DLC1: variants seen among roughly 807,000 people sequenced by gnomAD.
DLC1 encodes DLC1 Rho GTPase activating protein, also known as rho GTPase-activating protein 7.
Under a neutral mutation model 140.3 loss-of-function variants are expected in DLC1, and 54 were observed. The observed-to-expected ratio is 0.38, with a 90% CI of 0.31 to 0.48. The LOEUF (loss-of-function observed/expected upper bound fraction) is 0.48, where lower values mean the gene tolerates loss of function less well. Ranked by LOEUF, DLC1 falls within the 20% of genes least tolerant of loss-of-function variation. The probability of loss-of-function intolerance (pLI) is 0.96; values close to 1 mark genes in which losing one functional copy is unlikely to be tolerated. For synonymous variants in DLC1, 986 were observed against 728.1 expected (o/e 1.35, Z -5.70); for missense variants, 2,536 against 1,907.0 (o/e 1.33, Z -6.14).
At chr8:13,128,716 T>C (rs1585713684) in intron 5 of DLC1, among the ~76,000 whole-genome samples, 1 of 151,828 alleles carries the variant, frequency 6.6e-6, no homozygotes, top group Admixed American at 6.6e-5. Context: ...CCTACTGTAG[T>C]CCCAGCTACT....
intron 4 of DLC1, among the ~76,000 whole-genome samples, chr8:13,361,065 T>C (rs1342905188): frequency 6.6e-6 from 1 of 152,024 alleles, no homozygotes; most frequent in Non-Finnish European, 1.5e-5. Context: ...ACCCTGTCTC[T>C]ACAAAAACAT....
At chr8:13,299,397 G>A (rs2583105) in intron 5 of DLC1, among the ~76,000 whole-genome samples, 3,651 of 149,612 alleles carry the variant, frequency 0.024, 135 homozygotes, top group African/African-American at 0.085. Context: ...GCAGTGAGTC[G>A]AGACCGTGTC....
intron 5 of DLC1, among the ~76,000 whole-genome samples, chr8:13,188,925 G>T (rs111694085): frequency 7.2e-6 from 1 of 139,028 alleles, no homozygotes; most frequent in Non-Finnish European, 1.5e-5. Flanking sequence ...TCCTGACCTC[G>T]TTATCCGCCC....
intron 5 of DLC1, among the ~76,000 whole-genome samples, chr8:13,180,282 T>C (rs1164368340): frequency 2.6e-5 from 4 of 152,224 alleles, no homozygotes; most frequent in Non-Finnish European, 5.9e-5. Context: ...TTATTAGTTG[T>C]ATATGTATCT....
intron 2 of DLC1, among the ~76,000 whole-genome samples, chr8:13,441,778 T>C (rs1798520855): frequency 1.3e-5 from 2 of 152,106 alleles, no homozygotes; most frequent in Non-Finnish European, 2.9e-5. Flanking sequence ...AACATGGCCA[T>C]ACTGCCCAAG....
chr8:13,551,075 C>CACACACACACTG, intron 1 of DLC1, among the ~76,000 whole-genome samples: 1 of 121,678 alleles, frequency 8.2e-6, no homozygotes, highest in Admixed American at 9.0e-5. Context: ...CACACACACA[C>CACACACACACTG]TTTTTTTTTT....
intron 5 of DLC1, among the ~76,000 whole-genome samples, chr8:13,253,413 T>C (rs1830089459): frequency 6.6e-6 from 1 of 150,420 alleles, no homozygotes; most frequent in Admixed American, 6.6e-5. Context: ...GTGGTTCTCC[T>C]CTAGAAAAAT....
In DLC1 at chr8:13,453,724, C is replaced by T. The variant is rs568417716; in HGVS notation, c.1023+45325G>A. Among the ~76,000 whole-genome samples, 5 of 150,286 alleles carry T rather than the reference C, an allele frequency of 3.3e-5. No homozygotes were observed. The East Asian group carries it at 7.9e-4, about 24-fold the overall frequency. The stretch of plus-strand genomic sequence containing the variant: ...GGCTAGGTTTTCTTTTATTCAACGT[C>T]CTGTAATTTGAAACTCAATAGTACT... On this transcript the variant is annotated intron_variant, in intron 2 of 17. Transcript: ENST00000276297.
intron 2 of DLC1, among the ~76,000 whole-genome samples, chr8:13,403,151 T>C (rs547684114): frequency 3.9e-5 from 6 of 152,348 alleles, no homozygotes; most frequent in Admixed American, 3.9e-4. Context: ...TTCAGAATAC[T>C]ATGCTGTTGT....
chr8:13,359,733 T>G (rs908136943), intron 4 of DLC1, among the ~76,000 whole-genome samples: 6 of 152,180 alleles, frequency 3.9e-5, no homozygotes, highest in Non-Finnish European at 7.4e-5. Flanking sequence ...AATAATGACA[T>G]AAAATGATAT....
At chr8:13,378,142 C>T (rs1423180297) in intron 4 of DLC1, among the ~76,000 whole-genome samples, 3 of 133,990 alleles carry the variant, frequency 2.2e-5, no homozygotes, top group Non-Finnish European at 3.2e-5. Flanking sequence ...AGGTTTGTTA[C>T]ATATGTATAC....
chr8:13,159,118 T>A (rs182751926), intron 5 of DLC1, among the ~76,000 whole-genome samples: 5 of 152,152 alleles, frequency 3.3e-5, no homozygotes, highest in Non-Finnish European at 7.4e-5. Flanking sequence ...TGTTTTGTTA[T>A]CTACCCACGT....
chr8:13,354,736 G>A (rs1446266481), intron 4 of DLC1, among the ~76,000 whole-genome samples: 2 of 151,186 alleles, frequency 1.3e-5, no homozygotes, highest in African/African-American at 4.9e-5. Flanking sequence ...CTTGAGCACA[G>A]GAGTTCAAGA....
intron 2 of DLC1, among the ~76,000 whole-genome samples, chr8:13,457,617 C>T (rs947901671): frequency 2.3e-5 from 3 of 131,744 alleles, no homozygotes; most frequent in Admixed American, 9.8e-5. Flanking sequence ...GCGGAGCTTG[C>T]AGTGAGCCGA....
At chr8:13,549,984 G>A (rs1002121825) in intron 1 of DLC1, among the ~76,000 whole-genome samples, 4 of 152,080 alleles carry the variant, frequency 2.6e-5, no homozygotes, top group African/African-American at 7.2e-5. Flanking sequence ...TGAAAGGCAG[G>A]TACTGAAATT....
At position 13,505,051 on chromosome 8, in the gene DLC1, G is replaced by T. The variant is rs899197072; in HGVS notation, c.-125-4855C>A. The stretch of plus-strand genomic sequence containing the variant: ...ATTTTATAATAAAGTCAAGCAATTT[G>T]GATGGAAGAATTATTAATAGTTATA... On this transcript the variant is annotated intron_variant, in intron 1 of 17. Transcript: ENST00000276297. Among the ~76,000 whole-genome samples the T allele has an allele frequency of 8.6e-5, 13 of 152,036 alleles. No homozygotes were observed. In the East Asian group the frequency reaches 1.3e-3, roughly 16 times the overall value.
At chr8:13,405,586 T>C (rs542005697) in intron 2 of DLC1, among the ~76,000 whole-genome samples, 2 of 152,298 alleles carry the variant, frequency 1.3e-5, no homozygotes, top group African/African-American at 4.8e-5. Flanking sequence ...CTCCCCTTCC[T>C]GTTAGCTTTC....
intron 5 of DLC1, among the ~76,000 whole-genome samples, chr8:13,165,628 C>G (rs1202929391): frequency 6.6e-6 from 1 of 152,198 alleles, no homozygotes; most frequent in Admixed American, 6.5e-5. Context: ...TCCCTGAAAT[C>G]TTAAACAGCT....
chr8:13,323,288 A>G (rs1671390), intron 4 of DLC1, among the ~76,000 whole-genome samples: 129,829 of 152,262 alleles, frequency 0.85, 55,816 homozygotes, highest in East Asian at 0.95. Context: ...TTTTATATAC[A>G]TCTGTAAAAC....
Sources: gnomAD v4.1 joint callset for allele counts (sites outside exome capture counted in the v4.1 genomes callset) on GRCh38, gnomAD v4.1.1 for gene constraint, MANE v1.5 for transcripts, NCBI Gene and HGNC (gene_info 2026-07-23, HGNC 2026-07-21) for gene names.